The following SLC30A9 variants were observed in gnomAD, a reference collection of about 807,000 sequenced individuals.
The protein encoded by SLC30A9 is solute carrier family 30 member 9.
In SLC30A9, 58 loss-of-function variants were observed where a neutral mutation model predicts 87.5. The ratio of observed to expected loss-of-function variants is 0.66; its 90% CI spans 0.54 to 0.82. The LOEUF is 0.82. Ranked by LOEUF, SLC30A9 falls within the 40% of genes least tolerant of loss-of-function variation. SLC30A9 has a pLI of 0.00. For synonymous variants in SLC30A9, 234 were observed against 233.0 expected, an observed-to-expected ratio of 1.00 and a Z score of -0.04; for missense variants, 557 against 679.1, an observed-to-expected ratio of 0.82 and a Z score of 2.00.
chr4:41,993,004 T>A (rs538398037), intron 1 of SLC30A9, among the ~76,000 whole-genome samples: 1 of 152,068 alleles, frequency 6.6e-6, no homozygotes, highest in African/African-American at 2.4e-5. Context: ...ATTGCTTGAA[T>A]ACTTAAAAAT....
At chr4:42,016,581 T>C (rs1715728009) in intron 2 of SLC30A9, among the ~76,000 whole-genome samples, 1 of 152,218 alleles carries the variant, frequency 6.6e-6, no homozygotes, top group South Asian at 2.1e-4. Context: ...ATTTAGTTGC[T>C]AAGATTTATC....
Position 42,050,021 on chromosome 4 carries a change from G to A in SLC30A9, c.840+542G>A, listed in dbSNP as rs900316616. Among the ~76,000 whole-genome samples the A allele has an allele frequency of 8.5e-5, 13 of 152,136 alleles. No homozygotes were observed. The East Asian group carries it at 2.5e-3, about 29-fold the overall frequency. ...CATTTTAAAGAGTGTGGTATATTAA[G>A]AGGATACCTTTTCAATATTTACTTA... On this transcript the variant is annotated intron_variant, in intron 9 of 17. Transcript: ENST00000264451.
At chr4:42,075,234 T>C in intron 15 of SLC30A9, among the ~76,000 whole-genome samples, 1 of 150,518 alleles carries the variant, frequency 6.6e-6, no homozygotes, top group African/African-American at 2.4e-5. Flanking sequence ...CCACCATGCC[T>C]GGCTAATTTT....
rs776961543 is a variant in SLC30A9, at chr4:42,039,102, T to A, written c.737+49T>A. 4 of 1,297,912 alleles carry A rather than the reference T, an allele frequency of 3.1e-6. No homozygotes were observed. The East Asian group carries it at 9.4e-5, about 31-fold the overall frequency. The allele number at this position is 1,297,912 out of a possible 1,614,324, so 80.4% of individuals were successfully genotyped here. A position where few individuals can be genotyped will look rare whatever the true frequency, so the allele number is the denominator to read the frequency against. On this transcript the variant is annotated intron_variant, in intron 8 of 17. Transcript: ENST00000264451. ...GTGAAATAGAATATATTCTTTTAAA[T>A]ATGTATATCCTTAAATATGTAAATT...
At chr4:42,062,341 C>A (rs1390668927) in intron 10 of SLC30A9, among the ~76,000 whole-genome samples, 1 of 151,884 alleles carries the variant, frequency 6.6e-6, no homozygotes, top group Admixed American at 6.6e-5. Context: ...TATTTTTGAG[C>A]ACCTTTAATA....
chr4:41,995,962 G>A (rs550314108), intron 1 of SLC30A9, among the ~76,000 whole-genome samples: 13 of 152,008 alleles, frequency 8.6e-5, no homozygotes, highest in Admixed American at 6.6e-5. Context: ...CACCCATCTC[G>A]GCCTCCCAAA....
chr4:42,049,208 C>G (rs1009640432), intron 8 of SLC30A9, among the ~76,000 whole-genome samples, 169 bp from the exon 9 acceptor site: 1 of 152,126 alleles, frequency 6.6e-6, no homozygotes, highest in African/African-American at 2.4e-5. Flanking sequence ...TCAAGCCATC[C>G]TCCCACCTCA....
chr4:42,033,644 T>C (rs2153136849), intron 6 of SLC30A9, among the ~76,000 whole-genome samples: 1 of 152,282 alleles, frequency 6.6e-6, no homozygotes, highest in East Asian at 1.9e-4. Flanking sequence ...GGCACGATCT[T>C]GGCTCACTGC....
chr4:42,013,759 A>G (rs1181747818), intron 2 of SLC30A9, among the ~76,000 whole-genome samples: 2 of 152,234 alleles, frequency 1.3e-5, no homozygotes, highest in African/African-American at 4.8e-5. Flanking sequence ...TGGAGTAAAG[A>G]CTGAAATCTA....
At position 42,030,581 on chromosome 4, in the gene SLC30A9, C is replaced by CT. The variant is rs766917053; in HGVS notation, c.611-4676dup. Among the ~76,000 whole-genome samples, 809 of 139,102 alleles carry CT rather than the reference C, an allele frequency of 5.8e-3. 8 individuals are homozygous for CT. The highest frequency in any genetic ancestry group is 0.022 in the African/African-American group (734 of 33,984). The allele number at this position is 139,102 out of a possible 152,430, so 91.3% of individuals were successfully genotyped here. A position where few individuals can be genotyped will look rare whatever the true frequency, so the allele number is the denominator to read the frequency against. On this transcript the variant is annotated intron_variant, in intron 6 of 17. Transcript: ENST00000264451. ...TCAATGGGAATGAAACTGGCATGGT[C>CT]TTTTTTTTTTTTTTTTTTGGGCTCT...
chr4:42,030,738 T>C (rs1206496211), intron 6 of SLC30A9, among the ~76,000 whole-genome samples: 1 of 152,174 alleles, frequency 6.6e-6, no homozygotes, highest in Non-Finnish European at 1.5e-5. Context: ...GGAACTGCCC[T>C]TTAAATTTTA....
At chr4:42,038,894 G>C (rs1487089647) in intron 7 of SLC30A9, 92 bp from the exon 8 acceptor site, 1 of 733,966 alleles carries the variant, frequency 1.4e-6, no homozygotes, top group African/African-American at 1.7e-5. Context: ...AGTTTTGATA[G>C]AGGAAAATGT....
intron 6 of SLC30A9, among the ~76,000 whole-genome samples, chr4:42,028,249 T>C (rs1236086580): frequency 6.6e-5 from 10 of 152,232 alleles, no homozygotes; most frequent in African/African-American, 2.4e-4. Context: ...TCCCGAGTAG[T>C]TGGGATTACA....
intron 7 of SLC30A9, among the ~76,000 whole-genome samples, chr4:42,037,208 G>A (rs192922982): frequency 6.9e-6 from 1 of 145,176 alleles, no homozygotes; most frequent in Non-Finnish European, 1.5e-5. Context: ...AAAACATAGG[G>A]CTAATCCTGT....
In SLC30A9 at chr4:42,024,660, A is replaced by G. The variant is rs181162763; in HGVS notation, c.610+1276A>G. On this transcript the variant is annotated intron_variant, in intron 6 of 17. Transcript: ENST00000264451. ...AATTACTCTCTGAAGGAAATATGGT[A>G]CCAATTTACATTTACAATCACAGTG... Among the ~76,000 whole-genome samples the G allele has an allele frequency of 2.0e-4, 30 of 152,330 alleles. No homozygotes were observed. In the East Asian group the frequency reaches 5.2e-3, roughly 26 times the overall value.
chr4:42,029,123 C>T, intron 6 of SLC30A9: 1 of 303,890 alleles, frequency 3.3e-6, no homozygotes, highest in Non-Finnish European at 6.8e-6. Context: ...AGGCCAGAGA[C>T]AATGAGCAAC....
At chr4:42,071,940 T>C (rs979254120) in intron 15 of SLC30A9, among the ~76,000 whole-genome samples, 1 of 151,468 alleles carries the variant, frequency 6.6e-6, no homozygotes, top group African/African-American at 2.4e-5. Flanking sequence ...GTGGGTAGTT[T>C]TTTGATTAGT....
At chr4:42,039,395 T>C (rs1290362776) in intron 8 of SLC30A9, among the ~76,000 whole-genome samples, 1 of 152,190 alleles carries the variant, frequency 6.6e-6, no homozygotes, top group Non-Finnish European at 1.5e-5. Context: ...AAGAATATCT[T>C]TGTGCTTATT....
At position 42,022,891 on chromosome 4, in the gene SLC30A9, A is replaced by C. The variant is rs781310820; in HGVS notation, c.488A>C (p.Glu163Ala). The change falls in exon 5 of 18, where the codon GAG becomes GCG. Residue 163 changes from glutamate to alanine, a missense_variant. Glu to Ala is a moderately radical substitution (Grantham distance 107). Transcript: ENST00000264451. ...IRRRSPHEDT[E>A]SFTVYLRSDV... is the part of the protein sequence containing the mutation. Reference sequence around the variant, plus strand: ...CGACGAAGTCCCCATGAAGATACTGAGTCTTTTACTGTATACTTGAGATCA... The same window carrying C: ...CGACGAAGTCCCCATGAAGATACTGCGTCTTTTACTGTATACTTGAGATCA... 5.0e-6 allele frequency: 8 copies of C among 1,600,392 alleles called. No individual in the cohort carries two copies. The highest frequency in any genetic ancestry group is 1.3e-5 in the African/African-American group (1 of 74,630).
Sources: gnomAD v4.1 joint callset for allele counts (sites outside exome capture counted in the v4.1 genomes callset) on GRCh38, gnomAD v4.1.1 for gene constraint, MANE v1.5 for transcripts, NCBI Gene and HGNC (gene_info 2026-07-23, HGNC 2026-07-21) for gene names.